MSI2: variants seen among roughly 807,000 people sequenced by gnomAD.
MSI2 encodes the protein RNA-binding protein Musashi homolog 2.
A neutral mutation model predicts 45.6 loss-of-function variants in MSI2; 17 were observed. The ratio of observed to expected loss-of-function variants is 0.37; its 90% CI spans 0.26 to 0.56. MSI2 has a LOEUF of 0.56. Among genes scored for constraint, MSI2 ranks in the 20% least tolerant of loss-of-function variants. MSI2 has a pLI of 0.77. For synonymous variants in MSI2, 156 were observed against 158.2 expected (o/e 0.99, Z 0.11); for missense variants, 293 against 444.2 (o/e 0.66, Z 3.06).
chr17:57,331,707 G>A (rs1430969522), intron 5 of MSI2, among the ~76,000 whole-genome samples: 4 of 152,146 alleles, frequency 2.6e-5, no homozygotes, highest in Non-Finnish European at 4.4e-5. Context: ...GTTCACCAGC[G>A]TCAGTGTTCT....
chr17:57,506,959 C>T (rs917552447), intron 6 of MSI2, among the ~76,000 whole-genome samples: 8 of 152,212 alleles, frequency 5.3e-5, no homozygotes, highest in South Asian at 2.1e-4. Flanking sequence ...CCAGCCCAGA[C>T]TCACAAACCT....
At chr17:57,476,756 G>T (rs2085545063) in intron 6 of MSI2, among the ~76,000 whole-genome samples, 1 of 152,176 alleles carries the variant, frequency 6.6e-6, no homozygotes, top group Non-Finnish European at 1.5e-5. Flanking sequence ...CTTAGAAGAT[G>T]ATAGTGTTTT....
chr17:57,453,516 T>C (rs569400680), intron 6 of MSI2, among the ~76,000 whole-genome samples: 1 of 152,242 alleles, frequency 6.6e-6, no homozygotes, highest in South Asian at 2.1e-4. Context: ...GAACACTTGG[T>C]TTTGTGTCTC....
intron 11 of MSI2, among the ~76,000 whole-genome samples, chr17:57,653,366 A>G (rs12939474): frequency 0.82 from 124,788 of 152,128 alleles, 51,831 homozygotes; most frequent in African/African-American, 0.93. Context: ...CCAGAGAGCT[A>G]GCAAGTGGGC....
chr17:57,286,168 G>C (rs1909856822), intron 5 of MSI2, among the ~76,000 whole-genome samples: 1 of 150,816 alleles, frequency 6.6e-6, no homozygotes, highest in Non-Finnish European at 1.5e-5. Context: ...TTTTCATGTG[G>C]GGCGACAGAA....
intron 5 of MSI2, among the ~76,000 whole-genome samples, chr17:57,397,586 A>T (rs2083913922): frequency 6.6e-6 from 1 of 152,220 alleles, no homozygotes; most frequent in South Asian, 2.1e-4. Context: ...AAGGAAACCG[A>T]GAGAAGAATG....
intron 5 of MSI2, among the ~76,000 whole-genome samples, chr17:57,314,305 G>A (rs1912658915): frequency 6.6e-6 from 1 of 152,164 alleles, no homozygotes; most frequent in African/African-American, 2.4e-5. Flanking sequence ...CCAGGGCTTA[G>A]GACTTCAACA....
At chr17:57,574,474 C>A in intron 7 of MSI2, among the ~76,000 whole-genome samples, 1 of 152,182 alleles carries the variant, frequency 6.6e-6, no homozygotes, top group East Asian at 1.9e-4. Flanking sequence ...GAGAAGCCAG[C>A]CCATGGGCCA....
intron 6 of MSI2, among the ~76,000 whole-genome samples, chr17:57,481,409 T>C (rs189721370): frequency 5.3e-4 from 81 of 152,378 alleles, no homozygotes; most frequent in Non-Finnish European, 1.0e-3. Flanking sequence ...TGACAAGATA[T>C]GCTTCTGCCA....
intron 2 of MSI2, 29 bp downstream of exon 2, chr17:57,257,167 TC>T (rs781307862): frequency 1.3e-5 from 18 of 1,397,078 alleles, no homozygotes; most frequent in African/African-American, 3.5e-5. Context: ...GACGCCTGGG[TC>T]CCCCCCTTCT....
At chr17:57,388,958 CTCTTCTTCT>C (rs1000827740) in intron 5 of MSI2, among the ~76,000 whole-genome samples, 2 of 140,940 alleles carry the variant, frequency 1.4e-5, no homozygotes, top group Non-Finnish European at 3.1e-5. Context: ...CTAGCCCCTG[CTCTTCTTCT>C]TCTTCTTCTT....
chr17:57,542,002 G>T (rs1026494514), intron 7 of MSI2, among the ~76,000 whole-genome samples: 10 of 152,130 alleles, frequency 6.6e-5, no homozygotes. Context: ...TTATTATCTC[G>T]GAGGGCTGGG....
In MSI2 at chr17:57,585,099, T is replaced by A. The variant is rs540443806; in HGVS notation, c.455-11769T>A. Reference sequence around the variant, plus strand: ...TCCCAAAGTGCTAGGATTACAAGCATGAGCCACCACCACGCCCAGCCCTCT... The same window carrying A: ...TCCCAAAGTGCTAGGATTACAAGCAAGAGCCACCACCACGCCCAGCCCTCT... On this transcript the variant is annotated intron_variant, in intron 7 of 13. Coordinates refer to ENST00000284073, the MANE Select transcript of MSI2 (RefSeq NM_138962.4). 5.3e-5 allele frequency among the ~76,000 whole-genome samples: 8 copies of A among 152,292 alleles called. No homozygotes were observed. The East Asian group carries it at 1.5e-3, about 29-fold the overall frequency.
intron 9 of MSI2, among the ~76,000 whole-genome samples, chr17:57,617,680 C>T (rs1023674972): frequency 3.9e-5 from 6 of 152,074 alleles, no homozygotes; most frequent in Non-Finnish European, 7.3e-5. Flanking sequence ...CAGTGGTGCT[C>T]GCCTGTAATC....
intron 6 of MSI2, among the ~76,000 whole-genome samples, chr17:57,527,935 A>T (rs1011517290): frequency 9.9e-5 from 15 of 152,118 alleles, no homozygotes; most frequent in Non-Finnish European, 1.5e-5. Flanking sequence ...GTCTGGGAGG[A>T]GTGAGGCATG....
At chr17:57,585,152 C>G (rs576869187) in intron 7 of MSI2, among the ~76,000 whole-genome samples, 1 of 152,206 alleles carries the variant, frequency 6.6e-6, no homozygotes, top group South Asian at 2.1e-4. Flanking sequence ...AACAAGGTGA[C>G]CTAGGAATTC....
chr17:57,269,779 G>T (rs552856942), intron 5 of MSI2, among the ~76,000 whole-genome samples: 2 of 152,156 alleles, frequency 1.3e-5, no homozygotes, highest in Non-Finnish European at 2.9e-5. Flanking sequence ...TGTGTGTCCC[G>T]TGGCTCAGAG....
intron 6 of MSI2, among the ~76,000 whole-genome samples, chr17:57,453,581 C>A (rs527416341): frequency 2.6e-5 from 4 of 152,214 alleles, no homozygotes; most frequent in Admixed American, 6.5e-5. Context: ...ATCAGAAGAG[C>A]CACTTGAGCA....
chr17:57,305,583 G>A (rs903314781), intron 5 of MSI2, among the ~76,000 whole-genome samples: 3 of 152,146 alleles, frequency 2.0e-5, no homozygotes, highest in Admixed American at 6.5e-5. Flanking sequence ...CAGCCAGTTC[G>A]GTGCGTTTGA....
Sources: gnomAD v4.1 joint callset for allele counts (sites outside exome capture counted in the v4.1 genomes callset) on GRCh38, gnomAD v4.1.1 for gene constraint, MANE v1.5 for transcripts, NCBI Gene and HGNC (gene_info 2026-07-23, HGNC 2026-07-21) for gene names.